Variants in TNNI3K observed in about 807,000 individuals in gnomAD.
TNNI3K encodes serine/threonine-protein kinase TNNI3K.
TNNI3K carries 140 observed loss-of-function variants against 114.5 expected under a neutral mutation model. The observed-to-expected ratio is 1.22, with a 90% CI of 1.07 to 1.41. The LOEUF is 1.41. TNNI3K is among the 40% of genes most tolerant of loss of function. TNNI3K has a pLI of 0.00. For missense variants in TNNI3K, 1,125 were observed against 1,007.6 expected (o/e 1.12, Z -1.58); for synonymous variants, 347 against 347.5 (o/e 1.00, Z 0.02).
chr1:74,519,996 T>C (rs939224201), intron 23 of TNNI3K, among the ~76,000 whole-genome samples: 5 of 152,194 alleles, frequency 3.3e-5, no homozygotes, highest in African/African-American at 9.7e-5. Flanking sequence ...CAAGCTCATT[T>C]ATGTATTTAA....
chr1:74,444,860 A>G (rs570947826), intron 20 of TNNI3K, among the ~76,000 whole-genome samples: 2 of 152,046 alleles, frequency 1.3e-5, no homozygotes, highest in South Asian at 4.2e-4. Context: ...GAGAACAAAG[A>G]ACTCAGAAAT....
chr1:74,420,220 G>C (rs77824836), intron 17 of TNNI3K, among the ~76,000 whole-genome samples: 1 of 152,040 alleles, frequency 6.6e-6, no homozygotes, highest in Non-Finnish European at 1.5e-5. Context: ...TATATTTGGA[G>C]GAGTAAAACT....
intron 5 of TNNI3K, among the ~76,000 whole-genome samples, chr1:74,297,780 A>G (rs940626480): frequency 6.6e-5 from 10 of 152,132 alleles, no homozygotes; most frequent in African/African-American, 2.4e-4. Flanking sequence ...ACAAATAAAT[A>G]AAAGCTACAT....
intron 17 of TNNI3K, among the ~76,000 whole-genome samples, chr1:74,399,625 G>C (rs1223772512): frequency 1.3e-5 from 2 of 152,136 alleles, no homozygotes; most frequent in African/African-American, 4.8e-5. Context: ...ACTGGTAAAA[G>C]AATCCCCAGA....
intron 13 of TNNI3K, 55 bp from the exon 14 acceptor site, chr1:74,368,967 C>A: frequency 7.3e-7 from 1 of 1,368,444 alleles, no homozygotes; most frequent in South Asian, 1.3e-5. Flanking sequence ...CATGTATACA[C>A]ATCCATGTGT....
chr1:74,508,799 G>A (rs1570719155), intron 23 of TNNI3K, among the ~76,000 whole-genome samples: 2 of 152,266 alleles, frequency 1.3e-5, no homozygotes, highest in South Asian at 4.1e-4. Flanking sequence ...TGAAGCCAGA[G>A]GTATGTGTTC....
At chr1:74,488,380 C>T (rs1668874791) in intron 21 of TNNI3K, among the ~76,000 whole-genome samples, 1 of 152,120 alleles carries the variant, frequency 6.6e-6, no homozygotes, top group African/African-American at 2.4e-5. Flanking sequence ...AATTGTTCTA[C>T]TAAGAATCTA....
chr1:74,539,203 A>C (rs1364858447), intron 23 of TNNI3K, among the ~76,000 whole-genome samples: 1 of 152,144 alleles, frequency 6.6e-6, no homozygotes, highest in African/African-American at 2.4e-5. Context: ...ACTTGAATTG[A>C]GTGAGAAATG....
chr1:74,516,628 G>A (rs1324869420), intron 23 of TNNI3K, among the ~76,000 whole-genome samples: 1 of 152,130 alleles, frequency 6.6e-6, no homozygotes, highest in African/African-American at 2.4e-5. Context: ...GCTACTATGG[G>A]CCATGGGACC....
intron 18 of TNNI3K, 73 bp downstream of exon 18, chr1:74,436,205 C>T: frequency 6.3e-7 from 1 of 1,575,790 alleles, no homozygotes; most frequent in South Asian, 1.1e-5. Flanking sequence ...GATATTGTAC[C>T]ATGAAACTGA....
chr1:74,518,130 G>C (rs1356168198), intron 23 of TNNI3K, among the ~76,000 whole-genome samples: 1 of 152,164 alleles, frequency 6.6e-6, no homozygotes, highest in African/African-American at 2.4e-5. Flanking sequence ...GGTAAGTCAA[G>C]AAGAAGCAAA....
chr1:74,524,811 C>T (rs1355787812), intron 23 of TNNI3K, among the ~76,000 whole-genome samples: 1 of 151,208 alleles, frequency 6.6e-6, no homozygotes, highest in Non-Finnish European at 1.5e-5. Context: ...TGAAGGGGGA[C>T]AGGCCACTGG....
intron 17 of TNNI3K, among the ~76,000 whole-genome samples, chr1:74,412,135 G>T (rs1468372172): frequency 6.6e-6 from 1 of 152,088 alleles, no homozygotes; most frequent in African/African-American, 2.4e-5. Flanking sequence ...ATGGCTCTTT[G>T]TCATAACAGT....
chr1:74,450,513 G>T (rs1387824110), intron 20 of TNNI3K, among the ~76,000 whole-genome samples: 1 of 151,800 alleles, frequency 6.6e-6, no homozygotes, highest in Non-Finnish European at 1.5e-5. Flanking sequence ...ATCTGAAAAA[G>T]GTCTAATACC....
At chr1:74,498,017 CA>C (rs1434586309) in intron 23 of TNNI3K, among the ~76,000 whole-genome samples, 1 of 152,006 alleles carries the variant, frequency 6.6e-6, no homozygotes, top group Admixed American at 6.6e-5. Context: ...TTTGTATTCC[CA>C]AGGACTAAAG....
At chr1:74,462,080 A>G (rs45471694) in intron 20 of TNNI3K, among the ~76,000 whole-genome samples, 2,936 of 152,358 alleles carry the variant, frequency 0.019, 80 homozygotes, top group African/African-American at 0.067. Flanking sequence ...TATTTTAACA[A>G]TGGTTTCTTC....
intron 4 of TNNI3K, among the ~76,000 whole-genome samples, chr1:74,252,540 G>A (rs1654992344): frequency 6.6e-6 from 1 of 152,154 alleles, no homozygotes; most frequent in East Asian, 1.9e-4. Flanking sequence ...ATGAAGCCAG[G>A]GACCCTCGCG....
At chr1:74,265,073 A>T (rs540500077) in intron 4 of TNNI3K, among the ~76,000 whole-genome samples, 4 of 152,178 alleles carry the variant, frequency 2.6e-5, no homozygotes, top group African/African-American at 9.6e-5. Flanking sequence ...TAAGAAAAGC[A>T]TAATATTAAA....
At chr1:74,415,642 A>T (rs1387944553) in intron 17 of TNNI3K, among the ~76,000 whole-genome samples, 1 of 151,876 alleles carries the variant, frequency 6.6e-6, no homozygotes, top group Non-Finnish European at 1.5e-5. Context: ...TCTGATTTTT[A>T]TACTTTCTAC....
Sources: gnomAD v4.1 joint callset for allele counts (sites outside exome capture counted in the v4.1 genomes callset) on GRCh38, gnomAD v4.1.1 for gene constraint, MANE v1.5 for transcripts, NCBI Gene and HGNC (gene_info 2026-07-23, HGNC 2026-07-21) for gene names.